LOXHD1: variants seen among roughly 807,000 people sequenced by gnomAD.
LOXHD1 encodes the protein lipoxygenase homology domain-containing protein 1.
Under a neutral mutation model 248.2 loss-of-function variants are expected in LOXHD1, and 205 were observed. The observed-to-expected ratio is 0.83, with a 90% CI of 0.74 to 0.93. LOXHD1 has a LOEUF of 0.93. LOXHD1 is among the 40% of genes least tolerant of loss of function. The probability of loss-of-function intolerance (pLI) is 0.00; values close to 1 mark genes in which losing one functional copy is unlikely to be tolerated. For missense variants in LOXHD1, 2,930 were observed against 2,971.6 expected (o/e 0.99, Z 0.33); for synonymous variants, 1,113 against 1,162.8 (o/e 0.96, Z 0.87).
At chr18:46,551,921 G>A (rs752274864) in intron 21 of LOXHD1, among the ~76,000 whole-genome samples, 3 of 152,196 alleles carry the variant, frequency 2.0e-5, no homozygotes, top group Non-Finnish European at 4.4e-5. Flanking sequence ...GAAGCTTGAG[G>A]ACAACACACT....
chr18:46,553,913 G>A (rs1252352345), intron 21 of LOXHD1, among the ~76,000 whole-genome samples: 1 of 152,186 alleles, frequency 6.6e-6, no homozygotes, highest in Non-Finnish European at 1.5e-5. Context: ...AGGCCTTGAG[G>A]TGGGACCATG....
intron 5 of LOXHD1, among the ~76,000 whole-genome samples, chr18:46,612,237 G>A (rs2038519220): frequency 1.3e-5 from 2 of 152,130 alleles, no homozygotes; most frequent in Non-Finnish European, 2.9e-5. Flanking sequence ...TGTAAGAACA[G>A]CTCTGAATAG....
At chr18:46,646,936 G>A (rs899472453) in intron 2 of LOXHD1, among the ~76,000 whole-genome samples, 8 of 152,034 alleles carry the variant, frequency 5.3e-5, no homozygotes, top group Admixed American at 1.3e-4. Flanking sequence ...ATCACTCCTC[G>A]AAGCCCCTCT....
At chr18:46,601,137 T>C (rs1005029348) in intron 8 of LOXHD1, 80 bp downstream of exon 8, 18 of 1,477,220 alleles carry the variant, frequency 1.2e-5, no homozygotes, top group Middle Eastern at 2.4e-4. Context: ...AGAAGTAGCA[T>C]TCAGGTTAAA....
At chr18:46,643,410 G>A (rs2144385543) in intron 2 of LOXHD1, among the ~76,000 whole-genome samples, 1 of 152,310 alleles carries the variant, frequency 6.6e-6, no homozygotes, top group Non-Finnish European at 1.5e-5. Context: ...TCGACTGTTA[G>A]CTCCTGATGA....
chr18:46,560,659 G>A, intron 18 of LOXHD1, 114 bp from the exon 19 acceptor site: 2 of 983,914 alleles, frequency 2.0e-6, no homozygotes, highest in Non-Finnish European at 2.9e-6. Flanking sequence ...GCTGCAGGAT[G>A]GAGAGGGCTG....
At chr18:46,655,686 G>A (rs2039171935) in intron 1 of LOXHD1, among the ~76,000 whole-genome samples, 1 of 152,222 alleles carries the variant, frequency 6.6e-6, no homozygotes, top group Non-Finnish European at 1.5e-5. Context: ...AGGGGCCACA[G>A]CCTTCCTGAT....
chr18:46,579,824 C>T, intron 12 of LOXHD1, 40 bp from the exon 13 acceptor site: 1 of 1,533,344 alleles, frequency 6.5e-7, no homozygotes, highest in East Asian at 2.5e-5. Context: ...TGACAGCCCC[C>T]TGCTTCCCAT....
At chr18:46,608,452 C>A (rs1484314677) in intron 6 of LOXHD1, among the ~76,000 whole-genome samples, 2 of 152,134 alleles carry the variant, frequency 1.3e-5, no homozygotes, top group East Asian at 3.9e-4. Context: ...TGAAACTGTT[C>A]ACCCTTTAAA....
chr18:46,560,598 C>T (rs1190927850), intron 18 of LOXHD1, 53 bp from the exon 19 acceptor site: 72 of 1,434,150 alleles, frequency 5.0e-5, no homozygotes, highest in Non-Finnish European at 5.8e-5. Flanking sequence ...CTCCCCAACG[C>T]CCCCAACACC....
intron 6 of LOXHD1, among the ~76,000 whole-genome samples, chr18:46,606,491 C>A (rs644468): frequency 0.31 from 47,468 of 151,992 alleles, 7,523 homozygotes; most frequent in East Asian, 0.44. Flanking sequence ...GCAGTCCAAA[C>A]ACAGTCAAAA....
At chr18:46,519,272 T>G (rs1354181110) in intron 33 of LOXHD1, among the ~76,000 whole-genome samples, 1 of 152,174 alleles carries the variant, frequency 6.6e-6, no homozygotes, top group South Asian at 2.1e-4. Flanking sequence ...CCTGGTCCAG[T>G]GTGTCCCTTC....
At chr18:46,625,368 G>A (rs3017408) in intron 4 of LOXHD1, among the ~76,000 whole-genome samples, 1 of 152,042 alleles carries the variant, frequency 6.6e-6, no homozygotes, top group Non-Finnish European at 1.5e-5. Flanking sequence ...CTCATGGGCA[G>A]AAATCAAGAA....
rs371111946 is a variant in LOXHD1 at position 46,491,259 on chromosome 18, T to G, written c.5879-2117A>C. On this transcript the variant is annotated intron_variant, in intron 37 of 40. Coordinates refer to ENST00000642948, the MANE Select transcript of LOXHD1 (RefSeq NM_001384474.1). Reference sequence around the variant, plus strand: ...AGACCTCTGGAGTGGGGCCTAGGCATCATTAGTCATTAAGGCTCTCCAGGT... The same window carrying G: ...AGACCTCTGGAGTGGGGCCTAGGCAGCATTAGTCATTAAGGCTCTCCAGGT... Among the ~76,000 whole-genome samples, 3 of 152,336 alleles carry G rather than the reference T, an allele frequency of 2.0e-5. No homozygotes were observed. The East Asian group carries it at 5.8e-4, about 29-fold the overall frequency.
In LOXHD1 at chr18:46,594,442, C is replaced by A. The variant is rs899083277; in HGVS notation, c.1159G>T (p.Gly387Cys). 1.3e-6 allele frequency: 2 copies of A among 1,551,516 alleles called. No homozygotes were observed. The highest frequency in any genetic ancestry group is 1.7e-6 in the Non-Finnish European group (2 of 1,146,982). ...CTACAAGGGAAGGTCTGCTGGATACCAGTGAAGGGGCACAGAATCACCACC... is the reference window on the plus strand; with the variant it reads ...CTACAAGGGAAGGTCTGCTGGATACAAGTGAAGGGGCACAGAATCACCACC... Reference protein sequence around the residue: ...EKVVILCPFTGIQQTFPCSNW... With the variant: ...EKVVILCPFTCIQQTFPCSNW... Residue 387 changes from glycine to cysteine, a missense_variant, in exon 9 of 41, where the codon GGT becomes TGT. By Grantham distance (159) the Gly-to-Cys change is radical. Transcript: ENST00000642948.
rs766550500 is a variant in LOXHD1 at position 46,477,434 on chromosome 18, T to C, written c.*38A>G. The C allele has an allele frequency of 2.4e-5, 37 of 1,535,674 alleles. No homozygotes were observed. The highest frequency in any genetic ancestry group is 2.8e-5 in the Non-Finnish European group (32 of 1,137,520). ...CAAGGTGGAGGGCAGAAATGTGAGA[T>C]TGGGGCATCTCAGTGAGAGGGTGGG... On this transcript the variant is annotated 3_prime_UTR_variant, in exon 41 of 41. Transcript: ENST00000642948.
intron 5 of LOXHD1, among the ~76,000 whole-genome samples, chr18:46,617,526 C>A (rs935168633): frequency 6.6e-6 from 1 of 150,480 alleles, no homozygotes; most frequent in Admixed American, 6.7e-5. Flanking sequence ...AGCACTGGCA[C>A]CTGGAGATTT....
In LOXHD1 at chr18:46,505,847, C is replaced by T. The variant is rs1463723392; in HGVS notation, c.5869G>A (p.Asp1957Asn). ...GHLCKLRVWH[D>N]NKGIFPGWHL... Reference sequence around the variant, plus strand: ...CTTGAGTGGGAGCTACCTTTGTTGTCGTGCCAGACCCTCAGCTTGCAGAGG... The same window carrying T: ...CTTGAGTGGGAGCTACCTTTGTTGTTGTGCCAGACCCTCAGCTTGCAGAGG... Residue 1957 changes from aspartate to asparagine, a missense_variant, in exon 37 of 41, where the codon GAC becomes AAC. Coordinates refer to ENST00000642948, the MANE Select transcript of LOXHD1 (RefSeq NM_001384474.1). 5 of 1,551,524 alleles carry T rather than the reference C, an allele frequency of 3.2e-6. No individual in the cohort carries two copies. The highest frequency in any genetic ancestry group is 1.4e-5 in the African/African-American group (1 of 73,040).
At chr18:46,604,708 C>T (rs1276627703) in intron 6 of LOXHD1, among the ~76,000 whole-genome samples, 1 of 152,176 alleles carries the variant, frequency 6.6e-6, no homozygotes, top group Non-Finnish European at 1.5e-5. Context: ...GGTCAGAAAA[C>T]ATCAGCCACC....
Sources: allele counts gnomAD v4.1 joint callset (sites outside exome capture counted in the v4.1 genomes callset), GRCh38; gene constraint gnomAD v4.1.1; transcripts MANE v1.5; gene names NCBI Gene and HGNC (gene_info 2026-07-23, HGNC 2026-07-21).